Variants in FGF12 observed in about 807,000 individuals in gnomAD.
FGF12 encodes fibroblast growth factor 12B.
A neutral mutation model predicts 23.6 loss-of-function variants in FGF12; 14 were observed. The ratio of observed to expected loss-of-function variants is 0.59; its 90% CI spans 0.39 to 0.93. The LOEUF (loss-of-function observed/expected upper bound fraction) is 0.93, where lower values mean the gene tolerates loss of function less well. Among genes scored for constraint, FGF12 ranks in the 40% least tolerant of loss-of-function variants. The probability of loss-of-function intolerance (pLI) is 0.00; values close to 1 mark genes in which losing one functional copy is unlikely to be tolerated. For missense variants in FGF12, 175 were observed against 217.8 expected, an observed-to-expected ratio of 0.80 and a Z score of 1.24; for synonymous variants, 62 against 77.3, an observed-to-expected ratio of 0.80 and a Z score of 1.04.
chr3:192,405,312 T>C (rs1653208965), intron 2 of FGF12, among the ~76,000 whole-genome samples: 2 of 151,152 alleles, frequency 1.3e-5, no homozygotes, highest in African/African-American at 2.5e-5. Flanking sequence ...GCTTCAATAC[T>C]ACACATATCA....
chr3:192,716,011 T>C (rs1000846505), intron 2 of FGF12, among the ~76,000 whole-genome samples: 5 of 152,248 alleles, frequency 3.3e-5, no homozygotes, highest in African/African-American at 4.8e-5. Flanking sequence ...TTCTGATATT[T>C]CTGAATAACC....
intron 4 of FGF12, among the ~76,000 whole-genome samples, chr3:192,252,462 C>CAAAAAAAAAAAAAAAAAAA (rs56920518): frequency 1.8e-4 from 5 of 27,496 alleles, no homozygotes; most frequent in African/African-American, 3.8e-4. Context: ...GAATCTGTCT[C>CAAAAAAAAAAAAAAAAAAA]AAAAAAAAAA....
At chr3:192,270,245 A>G (rs1174829639) in intron 4 of FGF12, among the ~76,000 whole-genome samples, 1 of 152,192 alleles carries the variant, frequency 6.6e-6, no homozygotes, top group Non-Finnish European at 1.5e-5. Flanking sequence ...TGAAAAGCAA[A>G]AGCATTTTTC....
intron 2 of FGF12, among the ~76,000 whole-genome samples, chr3:192,501,226 GA>G (rs1251216708): frequency 6.6e-6 from 1 of 152,096 alleles, no homozygotes; most frequent in Non-Finnish European, 1.5e-5. Flanking sequence ...AAGAATTGGA[GA>G]ATAGAGCTGG....
At chr3:192,230,953 CT>C (rs1718988338) in intron 4 of FGF12, among the ~76,000 whole-genome samples, 1 of 152,130 alleles carries the variant, frequency 6.6e-6, no homozygotes, top group South Asian at 2.1e-4. Flanking sequence ...ACACTTTAAG[CT>C]AATGATGACC....
At chr3:192,694,846 A>G (rs1034036425) in intron 2 of FGF12, among the ~76,000 whole-genome samples, 2 of 152,018 alleles carry the variant, frequency 1.3e-5, no homozygotes, top group African/African-American at 4.8e-5. Context: ...AGAAACAGAG[A>G]GAGGAATGCT....
intron 2 of FGF12, among the ~76,000 whole-genome samples, chr3:192,362,862 T>A (rs1718795718): frequency 6.6e-6 from 1 of 152,148 alleles, no homozygotes; most frequent in Admixed American, 6.6e-5. Context: ...TTAGTAAATA[T>A]TAACTGAGCT....
chr3:192,313,347 T>C (rs1716057807), intron 4 of FGF12, among the ~76,000 whole-genome samples: 1 of 152,212 alleles, frequency 6.6e-6, no homozygotes, highest in Non-Finnish European at 1.5e-5. Context: ...AATAGCTATA[T>C]TGAAACCACA....
intron 4 of FGF12, among the ~76,000 whole-genome samples, chr3:192,259,214 C>G (rs1712591458): frequency 2.0e-5 from 3 of 151,992 alleles, no homozygotes; most frequent in African/African-American, 7.2e-5. Flanking sequence ...AAATATCGGT[C>G]TGGTATCAGA....
chr3:192,496,631 C>T (rs1276268765), intron 2 of FGF12, among the ~76,000 whole-genome samples: 3 of 152,132 alleles, frequency 2.0e-5, no homozygotes, highest in Admixed American at 6.6e-5. Flanking sequence ...GTCCCCACTA[C>T]CTCACTTTCT....
At chr3:192,636,860 G>T (rs1256712212) in intron 2 of FGF12, among the ~76,000 whole-genome samples, 1 of 152,204 alleles carries the variant, frequency 6.6e-6, no homozygotes, top group Admixed American at 6.5e-5. Flanking sequence ...GATACAGTCA[G>T]TGTGGCCAGG....
intron 2 of FGF12, among the ~76,000 whole-genome samples, chr3:192,535,055 T>C (rs1240929401): frequency 6.6e-6 from 1 of 152,166 alleles, no homozygotes; most frequent in Non-Finnish European, 1.5e-5. Flanking sequence ...ATTATTAGGA[T>C]ATGTTATAAA....
At chr3:192,253,851 G>A (rs1712198208) in intron 4 of FGF12, among the ~76,000 whole-genome samples, 1 of 151,924 alleles carries the variant, frequency 6.6e-6, no homozygotes, top group Non-Finnish European at 1.5e-5. Context: ...TTTATAACTG[G>A]TTTAAAACAG....
At chr3:192,593,418 CA>C (rs1713706636) in intron 2 of FGF12, among the ~76,000 whole-genome samples, 2 of 151,912 alleles carry the variant, frequency 1.3e-5, no homozygotes, top group African/African-American at 4.8e-5. Flanking sequence ...CACTTATTAT[CA>C]CCTGACATAC....
At chr3:192,509,630 G>T (rs1404571760) in intron 2 of FGF12, among the ~76,000 whole-genome samples, 1 of 152,192 alleles carries the variant, frequency 6.6e-6, no homozygotes, top group Non-Finnish European at 1.5e-5. Flanking sequence ...CATCAGTGGG[G>T]ATTAATTACA....
intron 2 of FGF12, among the ~76,000 whole-genome samples, chr3:192,549,456 G>C (rs1361335017): frequency 6.6e-6 from 1 of 152,088 alleles, no homozygotes; most frequent in African/African-American, 2.4e-5. Context: ...TCATGGTAAA[G>C]TGTATAAAGT....
chr3:192,393,118 T>C (rs1720378021), intron 2 of FGF12, among the ~76,000 whole-genome samples: 1 of 152,218 alleles, frequency 6.6e-6, no homozygotes, highest in Non-Finnish European at 1.5e-5. Flanking sequence ...TAATTTGCAT[T>C]CACCTTGTTT....
intron 2 of FGF12, among the ~76,000 whole-genome samples, chr3:192,587,809 G>A (rs1300208254): frequency 6.6e-6 from 1 of 151,884 alleles, no homozygotes; most frequent in Non-Finnish European, 1.5e-5. Context: ...GACACAGGGA[G>A]ACCCTCTTTC....
intron 4 of FGF12, among the ~76,000 whole-genome samples, chr3:192,273,906 TAA>T (rs11308169): frequency 0.017 from 2,513 of 144,298 alleles, 48 homozygotes; most frequent in African/African-American, 0.047. Context: ...GTGAGTGAAT[TAA>T]AAAAAAAAAA....
Sources: allele counts gnomAD v4.1 joint callset (sites outside exome capture counted in the v4.1 genomes callset), GRCh38; gene constraint gnomAD v4.1.1; transcripts MANE v1.5; gene names NCBI Gene and HGNC (gene_info 2026-07-23, HGNC 2026-07-21).